PARN: variants seen among roughly 807,000 people sequenced by gnomAD.
PARN encodes poly(A)-specific ribonuclease.
A neutral mutation model predicts 102.8 loss-of-function variants in PARN; 71 were observed. The ratio of observed to expected loss-of-function variants is 0.69; its 90% CI spans 0.57 to 0.84. PARN has a LOEUF of 0.84. Ranked by LOEUF, PARN falls within the 40% of genes least tolerant of loss-of-function variation. The pLI is 0.00. For synonymous variants in PARN, 261 were observed against 252.9 expected, an observed-to-expected ratio of 1.03 and a Z score of -0.30; for missense variants, 782 against 760.9, an observed-to-expected ratio of 1.03 and a Z score of -0.33.
At chr16:14,520,510 G>A (rs1213099452) in intron 21 of PARN, among the ~76,000 whole-genome samples, 1 of 151,960 alleles carries the variant, frequency 6.6e-6, no homozygotes, top group Non-Finnish European at 1.5e-5. Flanking sequence ...GACTGTTTGA[G>A]CTTAGGAGTA....
chr16:14,629,473 A>G, intron 2 of PARN, 124 bp downstream of exon 2: 1 of 717,296 alleles, frequency 1.4e-6, no homozygotes, highest in East Asian at 2.6e-5. Flanking sequence ...GACCTGTGAA[A>G]CCCGCCCAAG....
intron 22 of PARN, among the ~76,000 whole-genome samples, chr16:14,478,646 G>T (rs946672585): frequency 6.6e-6 from 1 of 152,146 alleles, no homozygotes; most frequent in African/African-American, 2.4e-5. Context: ...GACTGGAAAA[G>T]ATGTAAAACT....
chr16:14,447,233 T>C (rs1182251485), intron 22 of PARN, among the ~76,000 whole-genome samples, 152 bp from the exon 23 acceptor site: 1 of 152,194 alleles, frequency 6.6e-6, no homozygotes, highest in Admixed American at 6.5e-5. Flanking sequence ...ATTAAAGACC[T>C]TATTATGAAC....
intron 22 of PARN, among the ~76,000 whole-genome samples, chr16:14,458,327 A>G (rs1442039561): frequency 6.6e-6 from 1 of 152,342 alleles, no homozygotes; most frequent in South Asian, 2.1e-4. Context: ...AGGACTTACT[A>G]ATCAAATTAG....
At chr16:14,536,243 T>A (rs1045535031) in intron 21 of PARN, among the ~76,000 whole-genome samples, 1 of 152,238 alleles carries the variant, frequency 6.6e-6, no homozygotes, top group Non-Finnish European at 1.5e-5. Flanking sequence ...AAATCAGATT[T>A]CATTTTTTAA....
rs753010781 is a variant in PARN, at chr16:14,629,654, T to C, written c.40A>G (p.Lys14Glu). The change falls in exon 2 of 24, where the codon AAA (lysine) becomes GAA (glutamate). Residue 14 changes from lysine (K) to glutamate (E), a missense_variant. Physicochemically the swap from Lys to Glu is moderately conservative, Grantham distance 56 (BLOSUM62 1). Transcript: ENST00000437198. ...GCCTCCTCTATGGCCTGGTACACTT[T>C]GTGAAGATTACTCTTAAAATCTGCG... The part of the protein sequence containing the change: ...IRSNFKSNLH[K>E]VYQAIEEADF... 4.3e-6 allele frequency: 7 copies of C among 1,613,224 alleles called. No individual in the cohort carries two copies. Among genetic ancestry groups the C allele is most frequent in the Non-Finnish European group, 5.1e-6 (6 of 1,179,144 alleles).
chr16:14,482,987 A>C (rs1413532513), intron 21 of PARN, among the ~76,000 whole-genome samples, 160 bp from the exon 22 acceptor site: 1 of 152,188 alleles, frequency 6.6e-6, no homozygotes, highest in South Asian at 2.1e-4. Flanking sequence ...CCTTGGGTAC[A>C]CCTGCAAACT....
chr16:14,511,153 A>G (rs1965167840), intron 21 of PARN, among the ~76,000 whole-genome samples: 1 of 152,244 alleles, frequency 6.6e-6, no homozygotes, highest in Non-Finnish European at 1.5e-5. Context: ...TGTTAAAAAA[A>G]TGTAAGAAAT....
chr16:14,531,642 A>T (rs1314218405), intron 21 of PARN, among the ~76,000 whole-genome samples: 1 of 152,206 alleles, frequency 6.6e-6, no homozygotes, highest in Non-Finnish European at 1.5e-5. Context: ...CTGTTTGGGT[A>T]CGTCCGTCAA....
intron 18 of PARN, among the ~76,000 whole-genome samples, chr16:14,561,892 C>G (rs1440606607): frequency 6.6e-6 from 1 of 152,284 alleles, no homozygotes; most frequent in African/African-American, 2.4e-5. Context: ...TGGCTTACGC[C>G]TGTAATCCCA....
intron 23 of PARN, among the ~76,000 whole-genome samples, chr16:14,442,778 T>C (rs1961003074): frequency 2.0e-5 from 3 of 152,142 alleles, no homozygotes; most frequent in South Asian, 4.1e-4. Context: ...CAGCTAATTT[T>C]TGTATTTTTA....
chr16:14,584,315 A>G (rs1230921365), intron 16 of PARN, 32 bp downstream of exon 16: 2 of 1,400,622 alleles, frequency 1.4e-6, no homozygotes, highest in East Asian at 2.3e-5. Flanking sequence ...TATTACAAAG[A>G]GTTTGGAGGG....
At chr16:14,583,061 G>T (rs542488067) in intron 16 of PARN, among the ~76,000 whole-genome samples, 1 of 152,082 alleles carries the variant, frequency 6.6e-6, no homozygotes, top group Non-Finnish European at 1.5e-5. Flanking sequence ...AAAATAAATC[G>T]AACTTGCTAT....
At chr16:14,465,556 A>G (rs1412020798) in intron 22 of PARN, among the ~76,000 whole-genome samples, 1 of 152,222 alleles carries the variant, frequency 6.6e-6, no homozygotes. Context: ...GTGAATTGGT[A>G]TAACTTGAAG....
At chr16:14,459,878 T>G (rs370723489) in intron 22 of PARN, among the ~76,000 whole-genome samples, 1 of 152,088 alleles carries the variant, frequency 6.6e-6, no homozygotes, top group Non-Finnish European at 1.5e-5. Flanking sequence ...GACTAAGGAG[T>G]TGTAATTCAG....
At chr16:14,484,773 T>C (rs1045060794) in intron 21 of PARN, among the ~76,000 whole-genome samples, 5 of 152,166 alleles carry the variant, frequency 3.3e-5, no homozygotes, top group African/African-American at 7.2e-5. Flanking sequence ...GTTTCCGGAA[T>C]GTCATGCCCT....
intron 22 of PARN, among the ~76,000 whole-genome samples, chr16:14,459,832 G>C (rs1035528647): frequency 5.3e-5 from 8 of 152,154 alleles, no homozygotes; most frequent in Admixed American, 3.9e-4. Context: ...ATAGTGTCCA[G>C]AAATAGACCC....
chr16:14,471,394 T>C (rs1962730699), intron 22 of PARN, among the ~76,000 whole-genome samples: 2 of 152,214 alleles, frequency 1.3e-5, no homozygotes, highest in Non-Finnish European at 2.9e-5. Flanking sequence ...ATTCTCTATT[T>C]ACATTTTTTA....
intron 20 of PARN, among the ~76,000 whole-genome samples, 161 bp downstream of exon 20, chr16:14,553,904 A>C (rs969650387): frequency 6.6e-6 from 1 of 152,232 alleles, no homozygotes; most frequent in African/African-American, 2.4e-5. Context: ...ATATTAGCAC[A>C]AAGATAACAG....
Sources: gnomAD v4.1 joint callset for allele counts (sites outside exome capture counted in the v4.1 genomes callset) on GRCh38, gnomAD v4.1.1 for gene constraint, MANE v1.5 for transcripts, NCBI Gene and HGNC (gene_info 2026-07-23, HGNC 2026-07-21) for gene names.